The following LUZP1 variants were observed in gnomAD, a reference collection of about 807,000 sequenced individuals.
LUZP1 encodes the protein leucine zipper protein 1.
LUZP1 carries 25 observed loss-of-function variants against 71.3 expected under a neutral mutation model. That is an observed-to-expected ratio of 0.35 (90% CI 0.26 to 0.49). The LOEUF (loss-of-function observed/expected upper bound fraction) is 0.49, where lower values mean the gene tolerates loss of function less well. Among genes scored for constraint, LUZP1 ranks in the 20% least tolerant of loss-of-function variants. The pLI is 0.99. For synonymous variants in LUZP1, 481 were observed against 506.4 expected (o/e 0.95, Z 0.67); for missense variants, 1,142 against 1,300.8 (o/e 0.88, Z 1.88).
intron 2 of LUZP1, among the ~76,000 whole-genome samples, chr1:23,155,285 A>G (rs879372428): frequency 6.6e-6 from 1 of 152,212 alleles, no homozygotes; most frequent in African/African-American, 2.4e-5. Context: ...ATCAAGATCT[A>G]AAAATGGCTT....
At chr1:23,158,476 C>T (rs1023279851) in intron 2 of LUZP1, among the ~76,000 whole-genome samples, 4 of 151,638 alleles carry the variant, frequency 2.6e-5, no homozygotes, top group South Asian at 2.1e-4. Context: ...TGGCAAAACC[C>T]TGCCTACTAA....
intron 3 of LUZP1, among the ~76,000 whole-genome samples, chr1:23,106,640 T>C (rs1267996235): frequency 1.3e-5 from 2 of 151,782 alleles, no homozygotes; most frequent in African/African-American, 4.8e-5. Context: ...TAAAAAAAAA[T>C]CAAACAGGTC....
At chr1:23,137,395 C>T (rs1311506852) in intron 2 of LUZP1, among the ~76,000 whole-genome samples, 1 of 152,184 alleles carries the variant, frequency 6.6e-6, no homozygotes, top group East Asian at 1.9e-4. Context: ...AATCCCGGCA[C>T]TTTGGGAGGC....
At chr1:23,112,374 G>A (rs1644041321) in intron 2 of LUZP1, among the ~76,000 whole-genome samples, 1 of 152,150 alleles carries the variant, frequency 6.6e-6, no homozygotes, top group Non-Finnish European at 1.5e-5. Context: ...GTGTGTACGT[G>A]TCTGTCTGCC....
intron 2 of LUZP1, among the ~76,000 whole-genome samples, chr1:23,157,896 T>G (rs1017134552): frequency 6.7e-6 from 1 of 148,510 alleles, no homozygotes; most frequent in African/African-American, 2.5e-5. Flanking sequence ...CTAGTAGCCC[T>G]AGCTACTCAG....
intron 1 of LUZP1, among the ~76,000 whole-genome samples, chr1:23,169,298 G>T (rs968676648): frequency 6.6e-6 from 1 of 152,176 alleles, no homozygotes; most frequent in African/African-American, 2.4e-5. Context: ...AGCCGTGATC[G>T]TGCCACTGCA....
At chr1:23,136,619 C>G (rs1644254854) in intron 2 of LUZP1, among the ~76,000 whole-genome samples, 2 of 151,200 alleles carry the variant, frequency 1.3e-5, no homozygotes, top group Admixed American at 1.3e-4. Context: ...GACTAAAACC[C>G]AAAGTTCCGA....
chr1:23,089,179 A>G, intron 4 of LUZP1, 126 bp from the exon 4 acceptor site: 1 of 820,478 alleles, frequency 1.2e-6, no homozygotes, highest in Non-Finnish European at 2.0e-6. Flanking sequence ...GACAGGCCAT[A>G]AGTTAACTGC....
chr1:23,108,587 C>T (rs1207222978), intron 3 of LUZP1, among the ~76,000 whole-genome samples: 1 of 152,068 alleles, frequency 6.6e-6, no homozygotes, highest in African/African-American at 2.4e-5. Flanking sequence ...GCAATGGGAG[C>T]GAAACCCAGT....
exon 4 of LUZP1, chr1:23,091,197 G>C: frequency 6.2e-7 from 1 of 1,604,332 alleles, no homozygotes; most frequent in Non-Finnish European, 8.5e-7. Context: ...CACCATGCTT[G>C]CTGAGTGGTT....
chr1:23,139,019 A>AATATATATATATATATATATATATAT (rs1225155907), intron 2 of LUZP1, among the ~76,000 whole-genome samples: 2 of 59,962 alleles, frequency 3.3e-5, no homozygotes, highest in African/African-American at 9.3e-5. Flanking sequence ...AAAAAAAAAA[A>AATATATATATATATATATATATATAT]ATATATATAT....
intron 2 of LUZP1, among the ~76,000 whole-genome samples, chr1:23,120,896 C>T (rs1466246578): frequency 9.2e-5 from 14 of 152,196 alleles, no homozygotes; most frequent in Non-Finnish European, 7.3e-5. Flanking sequence ...AAGAACACCA[C>T]CATCTCCACT....
At chr1:23,103,868 G>C (rs1378590322) in intron 3 of LUZP1, among the ~76,000 whole-genome samples, 3 of 9,558 alleles carry the variant, frequency 3.1e-4, no homozygotes, top group Admixed American at 1.5e-3. Flanking sequence ...GGGAGGGAGG[G>C]AGGGAGGGAG....
chr1:23,106,083 T>C (rs1429823628), intron 3 of LUZP1, among the ~76,000 whole-genome samples: 4 of 152,348 alleles, frequency 2.6e-5, no homozygotes, highest in Non-Finnish European at 5.9e-5. Context: ...AATATTTTTA[T>C]ACTGAACTTG....
At chr1:23,139,019 A>T (rs6660496) in intron 2 of LUZP1, among the ~76,000 whole-genome samples, 853 of 59,608 alleles carry the variant, frequency 0.014, 16 homozygotes, top group African/African-American at 0.041. Flanking sequence ...AAAAAAAAAA[A>T]ATATATATAT....
At chr1:23,107,879 T>C (rs554087237) in intron 3 of LUZP1, among the ~76,000 whole-genome samples, 1 of 152,334 alleles carries the variant, frequency 6.6e-6, no homozygotes, top group Admixed American at 6.5e-5. Flanking sequence ...GAGTTCTGTA[T>C]TATCCCTAAC....
At chr1:23,167,391 G>C (rs1644517727) in intron 2 of LUZP1, among the ~76,000 whole-genome samples, 1 of 152,142 alleles carries the variant, frequency 6.6e-6, no homozygotes, top group African/African-American at 2.4e-5. Flanking sequence ...GGGAGGTCCA[G>C]AGAGTATTTT....
intron 3 of LUZP1, among the ~76,000 whole-genome samples, chr1:23,106,962 G>C (rs1265138620): frequency 2.0e-5 from 3 of 152,232 alleles, no homozygotes; most frequent in African/African-American, 4.8e-5. Context: ...TCACATGGCT[G>C]TAAGGCCCTA....
At chr1:23,102,043 T>C (rs959970389) in intron 3 of LUZP1, among the ~76,000 whole-genome samples, 2 of 152,136 alleles carry the variant, frequency 1.3e-5, no homozygotes, top group African/African-American at 2.4e-5. Context: ...CTTTTTTTTT[T>C]CCTTAGCATA....
Sources: allele counts gnomAD v4.1 joint callset (sites outside exome capture counted in the v4.1 genomes callset), GRCh38; gene constraint gnomAD v4.1.1; transcripts MANE v1.5; gene names NCBI Gene and HGNC (gene_info 2026-07-23, HGNC 2026-07-21).